MYT1L: variants seen among roughly 807,000 people sequenced by gnomAD.
The protein encoded by MYT1L is myelin transcription factor 1 like, also known as myelin transcription factor 1-like protein.
Under a neutral mutation model 126.7 loss-of-function variants are expected in MYT1L, and 12 were observed. That is an observed-to-expected ratio of 0.09 (90% confidence interval 0.06 to 0.15). The LOEUF is 0.15. Among genes scored for constraint, MYT1L ranks in the 10% least tolerant of loss-of-function variants. MYT1L has a pLI of 1.00. For missense variants in MYT1L, 979 were observed against 1,585.2 expected (o/e 0.62, Z 6.49); for synonymous variants, 541 against 604.2 (o/e 0.90, Z 1.53).
rs773711563 is a variant in MYT1L, at chr2:1,934,158, T to A, written c.505+8824A>T. ...CCTGGCTAATTTTTTGTATTTTTAG[T>A]AGAGACGGGGTTTCATCGTGTTAGC... On this transcript the variant is annotated intron_variant, in intron 9 of 24. Coordinates refer to ENST00000647738, the MANE Select transcript of MYT1L (RefSeq NM_001303052.2). 8.6e-4 allele frequency among the ~76,000 whole-genome samples: 131 copies of A among 151,472 alleles called. 1 individual carries two copies. The highest frequency in any genetic ancestry group is 6.9e-3 in the Middle Eastern group (2 of 290).
intron 3 of MYT1L, among the ~76,000 whole-genome samples, chr2:2,067,082 T>C (rs970475636): frequency 2.0e-5 from 3 of 152,166 alleles, no homozygotes; most frequent in African/African-American, 2.4e-5. Flanking sequence ...TACAAGGAGC[T>C]TTATAGGTGT....
rs758063096 is a variant in MYT1L at position 1,801,652 on chromosome 2, T to C, written c.3276+44A>G. On this transcript the variant is annotated intron_variant, in intron 23 of 24. Coordinates refer to ENST00000647738, the MANE Select transcript of MYT1L (RefSeq NM_001303052.2). The surrounding 1 kb of genome is among the most constrained non-coding windows in gnomAD (Gnocchi z 4.2). ...TTCATGCCATGTATCTCTGGTATAA[T>C]GGCGCGTGTTAGAGCTAAAATTGAG... 2.1e-5 allele frequency: 25 copies of C among 1,181,612 alleles called. No individual in the cohort carries two copies. The highest frequency in any genetic ancestry group is 7.5e-5 in the Admixed American group (4 of 53,280). 73.2% of individuals were successfully genotyped at this position (1,181,612 alleles called of 1,614,324 possible).
At chr2:2,134,200 C>A (rs1260708493) in intron 3 of MYT1L, among the ~76,000 whole-genome samples, 2 of 152,170 alleles carry the variant, frequency 1.3e-5, no homozygotes, top group East Asian at 3.9e-4. Context: ...GGGAGTCTCA[C>A]CTCCCTCCTG....
chr2:2,181,064 CTG>C (rs374459255), intron 2 of MYT1L, among the ~76,000 whole-genome samples: 39 of 150,346 alleles, frequency 2.6e-4, no homozygotes, highest in African/African-American at 7.1e-4. Flanking sequence ...GTAACCGTAC[CTG>C]TGTGTGTGCT....
At chr2:2,037,935 C>T (rs757206072) in intron 4 of MYT1L, among the ~76,000 whole-genome samples, 27 of 152,172 alleles carry the variant, frequency 1.8e-4, no homozygotes, top group Non-Finnish European at 3.1e-4. Context: ...CCTCCCCTAA[C>T]TCCCAGCACC....
chr2:1,872,584 T>G (rs1481105482), intron 18 of MYT1L, among the ~76,000 whole-genome samples: 1 of 152,246 alleles, frequency 6.6e-6, no homozygotes, highest in East Asian at 1.9e-4. Flanking sequence ...CTTTTATCTT[T>G]GAAATATTTT....
intron 21 of MYT1L, chr2:1,824,659 C>T (rs933728597): frequency 3.3e-5 from 5 of 152,260 alleles, no homozygotes; most frequent in Non-Finnish European, 5.9e-5. Context: ...GGGATGGATC[C>T]GTGCAGCGAG....
intron 3 of MYT1L, among the ~76,000 whole-genome samples, chr2:2,095,691 G>A (rs2077380735): frequency 6.6e-6 from 1 of 152,098 alleles, no homozygotes; most frequent in Admixed American, 6.5e-5. Flanking sequence ...GGGCCAAAGG[G>A]TTTTTGACAG....
intron 18 of MYT1L, among the ~76,000 whole-genome samples, chr2:1,881,901 A>T (rs2047603084): frequency 6.6e-6 from 1 of 152,166 alleles, no homozygotes; most frequent in African/African-American, 2.4e-5. Context: ...AGCAGGCATG[A>T]AGCGTGGGGA....
At chr2:1,902,527 G>C (rs1032210959) in intron 14 of MYT1L, among the ~76,000 whole-genome samples, 1 of 152,236 alleles carries the variant, frequency 6.6e-6, no homozygotes, top group Non-Finnish European at 1.5e-5. Flanking sequence ...GGGTGCCGTA[G>C]TGTCGTGCAG....
chr2:1,866,537 G>A (rs544995156), intron 18 of MYT1L, among the ~76,000 whole-genome samples: 1 of 141,770 alleles, frequency 7.1e-6, no homozygotes, highest in African/African-American at 2.7e-5. Context: ...TGGGAGGAGA[G>A]AGAGAGGCAA....
intron 18 of MYT1L, among the ~76,000 whole-genome samples, chr2:1,875,220 G>C (rs1054150709): frequency 2.0e-5 from 3 of 152,132 alleles, no homozygotes; most frequent in Non-Finnish European, 4.4e-5. Context: ...GATCGCTGCG[G>C]GGAAAGGTCA....
Position 2,175,504 on chromosome 2 carries a change from G to A in MYT1L, c.-420-2516C>T, listed in dbSNP as rs74634493. Among the ~76,000 whole-genome samples, 59 of 152,132 alleles carry A rather than the reference G, an allele frequency of 3.9e-4. No individual in the cohort carries two copies. The East Asian group carries it at 9.1e-3, about 23-fold the overall frequency. Reference sequence around the variant, plus strand: ...ATTGGTTAAAAGATGAGAGCTACACGTTGATAGTGCTTCTTTCTCAGACGT... The same window carrying A: ...ATTGGTTAAAAGATGAGAGCTACACATTGATAGTGCTTCTTTCTCAGACGT... On this transcript the variant is annotated intron_variant, in intron 2 of 24. Transcript: ENST00000647738.
In MYT1L at chr2:2,228,180, CAG is replaced by C. The variant is rs2094063687; in HGVS notation, c.-420-55194_-420-55193del. On this transcript the variant is annotated intron_variant, in intron 2 of 24. Coordinates refer to ENST00000647738, the MANE Select transcript of MYT1L (RefSeq NM_001303052.2). The surrounding 1 kb of genome is among the most constrained non-coding windows in gnomAD (Gnocchi z 5.9). ...GTATAATCATTACCTACATAAAAGA[CAG>C]GGCAAGGGGGTGATTCTGTAATATA... is the stretch of plus-strand genomic sequence containing the variant. Among the ~76,000 whole-genome samples, 1 of 152,244 alleles carries C rather than the reference CAG, an allele frequency of 6.6e-6. No individual in the cohort carries two copies. The highest frequency in any genetic ancestry group is 1.9e-4 in the East Asian group (1 of 5,182).
At chr2:1,957,372 GCAGTATATGCT>G (rs2058578427) in intron 8 of MYT1L, among the ~76,000 whole-genome samples, 1 of 152,090 alleles carries the variant, frequency 6.6e-6, no homozygotes, top group African/African-American at 2.4e-5. Flanking sequence ...TGTTATCTAA[GCAGTATATGCT>G]GTACCCAATA....
At chr2:1,956,404 G>GTCTA (rs372440974) in intron 8 of MYT1L, among the ~76,000 whole-genome samples, 18,620 of 81,714 alleles carry the variant, frequency 0.23, 3,269 homozygotes, top group Middle Eastern at 0.39. Flanking sequence ...CTATCTGTCT[G>GTCTA]TCTATCTATC....
intron 3 of MYT1L, among the ~76,000 whole-genome samples, chr2:2,159,132 T>C (rs190443023): frequency 6.6e-6 from 1 of 152,186 alleles, no homozygotes; most frequent in East Asian, 1.9e-4. Context: ...TGTGAAGAGC[T>C]CCTGAGACTC....
chr2:1,966,452 T>TG (rs1235812782), intron 8 of MYT1L, among the ~76,000 whole-genome samples: 4 of 152,224 alleles, frequency 2.6e-5, no homozygotes, highest in Admixed American at 2.6e-4. Context: ...ATTCCATTGA[T>TG]GTGGGTGTAA....
At chr2:2,216,985 G>A (rs950964237) in intron 2 of MYT1L, among the ~76,000 whole-genome samples, 2 of 152,098 alleles carry the variant, frequency 1.3e-5, no homozygotes, top group African/African-American at 2.4e-5. Context: ...ATAAGAAATA[G>A]GTATCTTGGA....
Sources: allele counts gnomAD v4.1 joint callset (sites outside exome capture counted in the v4.1 genomes callset), GRCh38; gene constraint gnomAD v4.1.1; non-coding constraint Gnocchi (gnomAD v3.1); transcripts MANE v1.5; gene names NCBI Gene and HGNC (gene_info 2026-07-23, HGNC 2026-07-21).